The following MPZL1 variants were observed in gnomAD, a reference collection of about 807,000 sequenced individuals.
MPZL1 encodes myelin protein zero like 1, also known as myelin protein zero-like protein 1.
MPZL1 carries 16 observed loss-of-function variants against 29.3 expected under a neutral mutation model. The ratio of observed to expected loss-of-function variants is 0.55; its 90% confidence interval spans 0.37 to 0.83. The LOEUF (loss-of-function observed/expected upper bound fraction) is 0.83. MPZL1 is among the 40% of genes least tolerant of loss of function. The pLI, the probability that MPZL1 is intolerant of heterozygous loss-of-function variation, is 0.00. For synonymous variants in MPZL1, 143 were observed against 132.0 expected (o/e 1.08, Z -0.57); for missense variants, 279 against 332.9 (o/e 0.84, Z 1.26).
chr1:167,763,150 C>G (rs1263722878), intron 1 of MPZL1, among the ~76,000 whole-genome samples: 1 of 152,124 alleles, frequency 6.6e-6, no homozygotes, highest in Non-Finnish European at 1.5e-5. Context: ...GGTCTAATTC[C>G]ATCTTTAAAT....
Position 167,728,332 on chromosome 1 carries a change from AT to A in MPZL1, c.91+6098del, listed in dbSNP as rs1358579096. ...GCGTGAGCCACCGTGCCCTGCCCAA[AT>A]TTTTTTTCTTTTTTTTCTTTCTTTC... is the stretch of plus-strand genomic sequence containing the variant. On this transcript the variant is annotated intron_variant, in intron 1 of 5. Coordinates refer to ENST00000359523, the MANE Select transcript of MPZL1 (RefSeq NM_003953.6). 2.3e-4 allele frequency among the ~76,000 whole-genome samples: 31 copies of A among 135,626 alleles called. 1 individual carries two copies. Among genetic ancestry groups the A allele is most frequent in the Admixed American group, 1.4e-3 (19 of 13,850 alleles). The allele number at this position is 135,626 out of a possible 152,430, so 89.0% of individuals were successfully genotyped here.
intron 1 of MPZL1, among the ~76,000 whole-genome samples, chr1:167,761,426 GCAGA>G (rs1465189955): frequency 1.3e-5 from 2 of 152,202 alleles, no homozygotes; most frequent in Non-Finnish European, 2.9e-5. Context: ...GGAGAGGGAT[GCAGA>G]CAGACACTTT....
intron 1 of MPZL1, among the ~76,000 whole-genome samples, chr1:167,754,839 G>C (rs1311451670): frequency 2.0e-5 from 3 of 152,200 alleles, no homozygotes; most frequent in African/African-American, 7.2e-5. Context: ...CTGGAGGTAG[G>C]GGTGGGACCC....
Position 167,739,280 on chromosome 1 carries a change from T to TATATAC in MPZL1, c.91+17039_91+17040insTATACA, listed in dbSNP as rs1365578710. 3.2e-4 allele frequency among the ~76,000 whole-genome samples: 30 copies of TATATAC among 92,494 alleles called. 1 individual carries two copies. Among genetic ancestry groups the TATATAC allele is most frequent in the African/African-American group, 1.7e-3 (29 of 17,560 alleles). 60.7% of individuals were successfully genotyped at this position (92,494 alleles called of 152,430 possible). ...ACATACACATACATATATACATATA[T>TATATAC]ACATATATATATATATATATATATA... On this transcript the variant is annotated intron_variant, in intron 1 of 5. Transcript: ENST00000359523.
intron 1 of MPZL1, among the ~76,000 whole-genome samples, chr1:167,738,732 C>T (rs1306978616): frequency 6.6e-6 from 1 of 152,094 alleles, no homozygotes; most frequent in East Asian, 1.9e-4. Flanking sequence ...CTTGCTCCTG[C>T]TCTTGCCATG....
chr1:167,730,598 T>G (rs1439695318), intron 1 of MPZL1, among the ~76,000 whole-genome samples: 2 of 152,168 alleles, frequency 1.3e-5, no homozygotes, highest in Non-Finnish European at 2.9e-5. Context: ...TTGTAGGTTC[T>G]TCTCACTCAT....
intron 1 of MPZL1, among the ~76,000 whole-genome samples, chr1:167,758,052 G>A (rs917343989): frequency 6.6e-6 from 1 of 151,942 alleles, no homozygotes; most frequent in African/African-American, 2.4e-5. Context: ...TATTCAGGAG[G>A]CTGAGGCCAG....
chr1:167,723,167 A>G (rs1405192955), intron 1 of MPZL1, among the ~76,000 whole-genome samples: 2 of 152,236 alleles, frequency 1.3e-5, no homozygotes, highest in Non-Finnish European at 2.9e-5. Context: ...AATAATAGTT[A>G]TAAAGAGGGC....
intron 1 of MPZL1, among the ~76,000 whole-genome samples, chr1:167,747,737 T>C (rs1240727588): frequency 2.0e-5 from 3 of 152,204 alleles, no homozygotes; most frequent in African/African-American, 7.2e-5. Context: ...GCTGCTTTTT[T>C]TTTTAACAGA....
At chr1:167,723,131 C>A (rs1363913325) in intron 1 of MPZL1, among the ~76,000 whole-genome samples, 1 of 152,194 alleles carries the variant, frequency 6.6e-6, no homozygotes, top group African/African-American at 2.4e-5. Context: ...AAGCAAAGTA[C>A]TTGTTGCTGT....
chr1:167,787,587 A>T (rs1661615438), intron 5 of MPZL1, among the ~76,000 whole-genome samples: 1 of 152,240 alleles, frequency 6.6e-6, no homozygotes, highest in Non-Finnish European at 1.5e-5. Context: ...GTTTGAAAGA[A>T]TAATGTAACA....
intron 1 of MPZL1, among the ~76,000 whole-genome samples, chr1:167,751,398 G>A (rs549960226): frequency 7.2e-5 from 11 of 152,260 alleles, no homozygotes; most frequent in South Asian, 2.1e-4. Context: ...CGCCGGGCGC[G>A]GTGGCTCACG....
chr1:167,743,616 C>T (rs1660583063), intron 1 of MPZL1, among the ~76,000 whole-genome samples: 1 of 151,674 alleles, frequency 6.6e-6, no homozygotes, highest in East Asian at 1.9e-4. Context: ...AGAAGTGTTT[C>T]ACCTCCTTGG....
intron 1 of MPZL1, among the ~76,000 whole-genome samples, chr1:167,739,983 C>A (rs529590909): frequency 6.6e-6 from 1 of 152,334 alleles, no homozygotes; most frequent in African/African-American, 2.4e-5. Context: ...CTTCCCTCTC[C>A]CGCTCCAACT....
At chr1:167,732,314 T>C (rs1421331377) in intron 1 of MPZL1, among the ~76,000 whole-genome samples, 1 of 152,144 alleles carries the variant, frequency 6.6e-6, no homozygotes, top group Non-Finnish European at 1.5e-5. Flanking sequence ...TTTGGGAAGA[T>C]TGCTTAGGAG....
intron 1 of MPZL1, among the ~76,000 whole-genome samples, chr1:167,749,946 G>A (rs909881286): frequency 6.6e-6 from 1 of 152,210 alleles, no homozygotes; most frequent in Non-Finnish European, 1.5e-5. Context: ...AATCATGGCT[G>A]GAGACATCTG....
intron 1 of MPZL1, among the ~76,000 whole-genome samples, chr1:167,732,990 A>G (rs940914817): frequency 7.2e-5 from 11 of 152,224 alleles, no homozygotes; most frequent in Admixed American, 7.2e-4. Context: ...CTTTTATTCA[A>G]GGAATTCTAA....
At position 167,790,628 on chromosome 1, in the gene MPZL1, G is replaced by A. The variant is rs1044128086; in HGVS notation, c.*2707G>A. The A allele has an allele frequency of 1.3e-5, 2 of 152,140 alleles. No individual in the cohort carries two copies. The highest frequency in any genetic ancestry group is 2.4e-5 in the African/African-American group (1 of 41,426). The allele number at this position is 152,140 out of a possible 1,614,324, so 9.4% of individuals were successfully genotyped here. On this transcript the variant is annotated 3_prime_UTR_variant, in exon 6 of 6. Coordinates refer to ENST00000359523, the MANE Select transcript of MPZL1 (RefSeq NM_003953.6). ...CTCCATGTCTTCGTCCTGGCAAACA[G>A]GGTCGTCTTAAAATTATGCGCTAAT... is the stretch of plus-strand genomic sequence containing the variant.
chr1:167,722,221 C>T lies in MPZL1; in HGVS notation c.70C>T (p.Leu24=). ...CAGCCGGCGCTGGCTGTGGTCGGTG[C>T]TGGCGGCGGCGCTTGGGCTCTGTAA... ...PDSRRWLWSV[L]AAALGLLTAG... is the part of the protein sequence containing the mutation. The change falls in exon 1 of 6, where the codon CTG becomes TTG. Residue 24 remains leucine (L), a synonymous_variant. Transcript: ENST00000359523. 1 of 1,239,392 alleles carries T rather than the reference C, an allele frequency of 8.1e-7. No individual in the cohort carries two copies. The highest frequency in any genetic ancestry group is 3.2e-5 in the East Asian group (1 of 31,710). The allele number at this position is 1,239,392 out of a possible 1,614,324, so 76.8% of individuals were successfully genotyped here. A position where few individuals can be genotyped will look rare whatever the true frequency, so the allele number is the denominator to read the frequency against.
Sources: gnomAD v4.1 joint callset for allele counts (sites outside exome capture counted in the v4.1 genomes callset) on GRCh38, gnomAD v4.1.1 for gene constraint, MANE v1.5 for transcripts, NCBI Gene and HGNC (gene_info 2026-07-23, HGNC 2026-07-21) for gene names.